MYBL1: variants seen among roughly 807,000 people sequenced by gnomAD.
The protein encoded by MYBL1 is MYB proto-oncogene like 1.
A neutral mutation model predicts 96.3 loss-of-function variants in MYBL1; 17 were observed. The ratio of observed to expected loss-of-function variants is 0.18; its 90% CI spans 0.12 to 0.26. The LOEUF (loss-of-function observed/expected upper bound fraction) is 0.26. MYBL1 is among the 10% of genes least tolerant of loss of function. The pLI is 1.00. For synonymous variants in MYBL1, 282 were observed against 292.7 expected (o/e 0.96, Z 0.37); for missense variants, 701 against 882.9 (o/e 0.79, Z 2.61).
chr8:66,587,489 T>G (rs1009199278), intron 8 of MYBL1, among the ~76,000 whole-genome samples: 3 of 152,166 alleles, frequency 2.0e-5, no homozygotes, highest in Admixed American at 1.3e-4. Flanking sequence ...TCTTTAGAAA[T>G]GTACACTAGG....
Position 66,564,668 on chromosome 8 carries a change from G to C in MYBL1, c.*29C>G, listed in dbSNP as rs1444599973. The C allele has an allele frequency of 6.5e-7, 1 of 1,540,480 alleles. No homozygotes were observed. The highest frequency in any genetic ancestry group is 1.4e-5 in the African/African-American group (1 of 72,884). ...ATTTAGTAGAGACTGCAGTAAGGGA[G>C]TGGGGCATTTCATCAATTTTAATAA... On this transcript the variant is annotated 3_prime_UTR_variant, in exon 16 of 16. Coordinates refer to ENST00000522677, the MANE Select transcript of MYBL1 (RefSeq NM_001080416.4).
At chr8:66,599,021 A>C in intron 4 of MYBL1, 29 bp downstream of exon 4, 4 of 1,409,410 alleles carry the variant, frequency 2.8e-6, no homozygotes, top group Non-Finnish European at 3.8e-6. Flanking sequence ...CTACCTACAT[A>C]GTGAATATAA....
In MYBL1 at chr8:66,595,636, A is replaced by C. The variant is rs1337591362; in HGVS notation, c.634T>G (p.Cys212Gly). Residue 212 changes from cysteine to glycine, a missense_variant, in exon 6 of 16, where the codon TGT (cysteine) becomes GGT (glycine). Coordinates refer to ENST00000522677, the MANE Select transcript of MYBL1 (RefSeq NM_001080416.4). Reference protein sequence around the residue: ...RSSSKLQHKPCAAMDHMQTQN... With the variant: ...RSSSKLQHKPGAAMDHMQTQN... Reference sequence around the variant, plus strand: ...GTTTGCATATGATCCATAGCTGCACAAGGTTTGTGTTGAAGTTTAGATGAA... The same window carrying C: ...GTTTGCATATGATCCATAGCTGCACCAGGTTTGTGTTGAAGTTTAGATGAA... 4 of 1,593,948 alleles carry C rather than the reference A, an allele frequency of 2.5e-6. No individual in the cohort carries two copies. The highest frequency in any genetic ancestry group is 1.1e-5 in the South Asian group (1 of 87,752).
In MYBL1 at chr8:66,612,853, A is replaced by AT. The variant is rs773759872; in HGVS notation, c.-16dup. 2.9e-6 allele frequency: 4 copies of AT among 1,367,796 alleles called. No homozygotes were observed. Among genetic ancestry groups the AT allele is most frequent in the Non-Finnish European group, 3.8e-6 (4 of 1,050,420 alleles). 84.7% of individuals were successfully genotyped at this position (1,367,796 alleles called of 1,614,324 possible). A position where few individuals can be genotyped will look rare whatever the true frequency, so the allele number is the denominator to read the frequency against. On this transcript the variant is annotated 5_prime_UTR_variant, in exon 1 of 16. In the 5' UTR this introduces an upstream ATG that the reference lacks. Coordinates refer to ENST00000522677, the MANE Select transcript of MYBL1 (RefSeq NM_001080416.4). ...CTCTTCGCCATCCTTCAAGTACCGCATAGGAGCAGGCTGGGCGGGGACGCG... is the reference window on the plus strand; with the variant it reads ...CTCTTCGCCATCCTTCAAGTACCGCATTAGGAGCAGGCTGGGCGGGGACGCG...
At position 66,576,333 on chromosome 8, in the gene MYBL1, C is replaced by G; in HGVS notation, c.1144G>C (p.Asp382His). 6.2e-7 allele frequency: 1 copy of G among 1,613,610 alleles called. No homozygotes were observed. The highest frequency in any genetic ancestry group is 2.2e-5 in the East Asian group (1 of 44,884). ...GATTTGATAGGAGAAGCAGCAGCAT[C>G]AGAAATATCAAAACTGGTAACGTCA... ...WSDVTSFDIS[D>H]AAASPIKSTP... Residue 382 changes from aspartate (D) to histidine (H), a missense_variant, in exon 10 of 16, where the codon GAT (aspartate) becomes CAT (histidine). Physicochemically the swap from Asp to His is moderately conservative, Grantham distance 81. This residue lies in a region of MYBL1 where 396 missense variants were observed against 407.4 expected (regional missense o/e 0.97). Coordinates refer to ENST00000522677, the MANE Select transcript of MYBL1 (RefSeq NM_001080416.4).
chr8:66,580,056 G>A (rs1382728610), intron 9 of MYBL1, 77 bp downstream of exon 9: 2 of 1,115,784 alleles, frequency 1.8e-6, no homozygotes, highest in Non-Finnish European at 2.6e-6. Flanking sequence ...ACTGGTCAAT[G>A]TCCAAAACTG....
At chr8:66,612,257 A>G (rs1019336906) in intron 1 of MYBL1, 1 of 152,518 alleles carries the variant, frequency 6.6e-6, no homozygotes, top group Non-Finnish European at 1.5e-5. Context: ...ACATATATAC[A>G]TAAAGCTGAG....
chr8:66,566,499 A>AT (rs1808508215), intron 14 of MYBL1, among the ~76,000 whole-genome samples, 185 bp downstream of exon 14: 1 of 152,126 alleles, frequency 6.6e-6, no homozygotes, highest in African/African-American at 2.4e-5. Flanking sequence ...CAAAAGAAAT[A>AT]TAAAAAAAAG....
At chr8:66,597,847 T>TAAAAAAAAA (rs1189665191) in intron 4 of MYBL1, among the ~76,000 whole-genome samples, 2 of 36,194 alleles carry the variant, frequency 5.5e-5, no homozygotes, top group African/African-American at 2.0e-4. Flanking sequence ...CTCCTACATC[T>TAAAAAAAAA]AAAAAAAAAA....
At chr8:66,580,490 G>T (rs1370181272) in intron 8 of MYBL1, 124 bp from the exon 9 acceptor site, 27 of 641,702 alleles carry the variant, frequency 4.2e-5, no homozygotes, top group South Asian at 1.2e-4. Context: ...CCTCAAAATT[G>T]GTATACTTTT....
At chr8:66,571,745 G>A (rs533451327) in intron 12 of MYBL1, among the ~76,000 whole-genome samples, 6 of 151,988 alleles carry the variant, frequency 3.9e-5, no homozygotes, top group Admixed American at 1.3e-4. Context: ...GCTGGGCGTG[G>A]TGGCGCAAGC....
chr8:66,572,454 T>C, intron 12 of MYBL1, 28 bp downstream of exon 12: 2 of 1,111,328 alleles, frequency 1.8e-6, no homozygotes, highest in Non-Finnish European at 2.6e-6. Context: ...ATTAGGAAAA[T>C]TATTAAAAAT....
chr8:66,572,707 C>A, intron 11 of MYBL1, 111 bp from the exon 12 acceptor site: 3 of 456,078 alleles, frequency 6.6e-6, no homozygotes, highest in South Asian at 6.5e-5. Flanking sequence ...TATATATATG[C>A]TTCATTTAAA....
In MYBL1 at chr8:66,564,786, C is replaced by T. The variant is rs1341312710; in HGVS notation, c.2170G>A (p.Glu724Lys). The change falls in exon 16 of 16, where the codon GAA becomes AAA. Residue 724 changes from glutamate (E) to lysine (K), a missense_variant. Coordinates refer to ENST00000522677, the MANE Select transcript of MYBL1 (RefSeq NM_001080416.4). ...EWETVVYGKTEDQLIMTEQAR... is the reference protein window; with the variant it reads ...EWETVVYGKTKDQLIMTEQAR... ...TGTTCAGTCATAATAAGTTGGTCTTCTGTCTTCCCATAAACCACTGTTTCC... is the reference window on the plus strand; with the variant it reads ...TGTTCAGTCATAATAAGTTGGTCTTTTGTCTTCCCATAAACCACTGTTTCC... The T allele has an allele frequency of 2.5e-6, 4 of 1,581,010 alleles. No individual in the cohort carries two copies. Among genetic ancestry groups the T allele is most frequent in the Non-Finnish European group, 2.6e-6 (3 of 1,160,268 alleles).
At chr8:66,599,740 C>T (rs1202309680) in intron 3 of MYBL1, among the ~76,000 whole-genome samples, 1 of 151,648 alleles carries the variant, frequency 6.6e-6, no homozygotes, top group Admixed American at 6.6e-5. Flanking sequence ...GTGGAGGTTG[C>T]GGTGAGCCGA....
At chr8:66,591,486 CTAGT>C (rs1382903033) in intron 8 of MYBL1, among the ~76,000 whole-genome samples, 4 of 152,106 alleles carry the variant, frequency 2.6e-5, no homozygotes, top group South Asian at 2.1e-4. Flanking sequence ...CTTAACACTC[CTAGT>C]TAGTCTCATC....
chr8:66,576,668 AT>A (rs1808963378), intron 9 of MYBL1, among the ~76,000 whole-genome samples: 1 of 152,242 alleles, frequency 6.6e-6, no homozygotes, highest in Non-Finnish European at 1.5e-5. Flanking sequence ...CAAAAAGTAT[AT>A]TTCGTCATAA....
In MYBL1 at chr8:66,612,193, G is replaced by T. The variant is rs537269834; in HGVS notation, c.20+626C>A. ...TTATTTCAAGATCAAGCTACTAGTT[G>T]TTACTACTAGTTGTTACTATGTGAC... is the stretch of plus-strand genomic sequence containing the variant. On this transcript the variant is annotated intron_variant, in intron 1 of 15. Coordinates refer to ENST00000522677, the MANE Select transcript of MYBL1 (RefSeq NM_001080416.4). The T allele has an allele frequency of 9.2e-5, 14 of 152,272 alleles. No individual in the cohort carries two copies. In the East Asian group the frequency reaches 2.5e-3, roughly 27 times the overall value. 9.4% of individuals were successfully genotyped at this position (152,272 alleles called of 1,614,324 possible).
At chr8:66,600,520 C>A (rs765481349) in intron 3 of MYBL1, among the ~76,000 whole-genome samples, 16 of 152,128 alleles carry the variant, frequency 1.1e-4, no homozygotes, top group Non-Finnish European at 2.2e-4. Flanking sequence ...TTATTGAACA[C>A]CTGCTAAATA....
Sources: gnomAD v4.1 joint callset for allele counts (sites outside exome capture counted in the v4.1 genomes callset) on GRCh38, gnomAD v4.1.1 for gene constraint, gnomAD v4.1.1 regional missense constraint, MANE v1.5 for transcripts, NCBI Gene and HGNC (gene_info 2026-07-23, HGNC 2026-07-21) for gene names.